CSNK2A2IP: variants seen among roughly 807,000 people sequenced by gnomAD.
CSNK2A2IP encodes casein kinase 2 subunit alpha' interacting protein, also known as casein kinase II subunit alpha'-interacting protein.
the CSNK2A2IP span, among the ~76,000 whole-genome samples, chr3:88,356,429 T>A: frequency 6.6e-6 from 1 of 152,152 alleles, no homozygotes; most frequent in African/African-American, 2.4e-5. Flanking sequence ...ATGACAGTAT[T>A]TCATTCTTTT....
chr3:88,451,611 G>A, the CSNK2A2IP span, among the ~76,000 whole-genome samples: 2 of 151,204 alleles, frequency 1.3e-5, no homozygotes, highest in East Asian at 1.9e-4. Flanking sequence ...TTTCACCTTT[G>A]TTTCTTTTGT....
chr3:88,363,936 G>A, the CSNK2A2IP span, among the ~76,000 whole-genome samples: 1 of 152,244 alleles, frequency 6.6e-6, no homozygotes, highest in East Asian at 1.9e-4. Context: ...GCTTTGGATA[G>A]TTACCTCACA....
the CSNK2A2IP span, among the ~76,000 whole-genome samples, chr3:88,410,976 G>A: frequency 6.6e-6 from 1 of 151,840 alleles, no homozygotes; most frequent in Non-Finnish European, 1.5e-5. Context: ...GAAATATTTG[G>A]TATTTAAAAT....
the CSNK2A2IP span, among the ~76,000 whole-genome samples, chr3:88,431,975 G>GT: frequency 3.0e-4 from 46 of 152,026 alleles, no homozygotes; most frequent in East Asian, 2.3e-3. Context: ...ATATAATGTT[G>GT]TTTTTTCCTG....
At chr3:88,453,738 G>A in the CSNK2A2IP span, among the ~76,000 whole-genome samples, 438 of 152,132 alleles carry the variant, frequency 2.9e-3, 2 homozygotes, top group African/African-American at 9.9e-3. Flanking sequence ...CTATTGATTT[G>A]TAAGCATTTT....
the CSNK2A2IP span, among the ~76,000 whole-genome samples, chr3:88,346,325 C>G: frequency 1.3e-5 from 2 of 151,978 alleles, no homozygotes; most frequent in African/African-American, 4.8e-5. Context: ...ATGAATGTGG[C>G]TACACTAAAC....
the CSNK2A2IP span, among the ~76,000 whole-genome samples, chr3:88,449,616 C>T: frequency 1.3e-5 from 2 of 151,060 alleles, no homozygotes; most frequent in African/African-American, 4.9e-5. Context: ...GATTGTGGTG[C>T]ATGCTATTTC....
chr3:88,427,307 G>A, the CSNK2A2IP span, among the ~76,000 whole-genome samples: 1 of 152,160 alleles, frequency 6.6e-6, no homozygotes, highest in African/African-American at 2.4e-5. Context: ...TTTCTAAGCT[G>A]CAAAGCGTTC....
the CSNK2A2IP span, among the ~76,000 whole-genome samples, chr3:88,342,560 T>A: frequency 6.6e-6 from 1 of 152,000 alleles, no homozygotes. Flanking sequence ...GGTTGATGGA[T>A]CATTTATTGG....
At chr3:88,410,210 G>A in the CSNK2A2IP span, among the ~76,000 whole-genome samples, 2 of 151,988 alleles carry the variant, frequency 1.3e-5, no homozygotes, top group African/African-American at 4.8e-5. Context: ...AAACTACATG[G>A]GGCGATAACT....
At chr3:88,446,148 C>A in the CSNK2A2IP span, among the ~76,000 whole-genome samples, 1 of 146,742 alleles carries the variant, frequency 6.8e-6, no homozygotes, top group Admixed American at 7.0e-5. Flanking sequence ...CACTCTATTA[C>A]CCAGGCTGGA....
the CSNK2A2IP span, among the ~76,000 whole-genome samples, chr3:88,381,203 T>C: frequency 6.6e-6 from 1 of 152,312 alleles, no homozygotes; most frequent in South Asian, 2.1e-4. Context: ...CTCTTAAATG[T>C]TCCTAGCCAA....
chr3:88,467,384 G>A, the CSNK2A2IP span: 1 of 398,364 alleles, frequency 2.5e-6, no homozygotes, highest in African/African-American at 2.1e-5. Flanking sequence ...AGCTACCATC[G>A]GTTGCCTGCA....
the CSNK2A2IP span, among the ~76,000 whole-genome samples, chr3:88,354,580 G>A: frequency 1.9e-4 from 29 of 152,202 alleles, no homozygotes; most frequent in African/African-American, 7.0e-4. Context: ...GGTGATGAGT[G>A]AAGCTGGAAA....
the CSNK2A2IP span, among the ~76,000 whole-genome samples, chr3:88,428,364 T>C: frequency 6.6e-6 from 1 of 152,148 alleles, no homozygotes; most frequent in South Asian, 2.1e-4. Flanking sequence ...TTTGGGTTAG[T>C]GCTGGAATGA....
At chr3:88,351,046 G>A in the CSNK2A2IP span, among the ~76,000 whole-genome samples, 1,060 of 152,174 alleles carry the variant, frequency 7.0e-3, 15 homozygotes, top group African/African-American at 0.024. Flanking sequence ...TCTCATCTGA[G>A]GACTAAGAGC....
the CSNK2A2IP span, among the ~76,000 whole-genome samples, chr3:88,449,097 C>G: frequency 6.6e-6 from 1 of 151,994 alleles, no homozygotes; most frequent in Admixed American, 6.6e-5. Context: ...TGCCTCCCTT[C>G]TTTCCTTATT....
the CSNK2A2IP span, among the ~76,000 whole-genome samples, chr3:88,414,118 C>G: frequency 6.6e-6 from 1 of 150,752 alleles, no homozygotes; most frequent in Non-Finnish European, 1.5e-5. Flanking sequence ...GGGAAACAGA[C>G]TATCTCTTAA....
chr3:88,382,681 G>T, the CSNK2A2IP span: 43 of 152,126 alleles, frequency 2.8e-4, no homozygotes, highest in Non-Finnish European at 5.7e-4. Flanking sequence ...CAGTGTTAAA[G>T]ATTTGAATAA....
Sources: gnomAD v4.1 joint callset for allele counts (sites outside exome capture counted in the v4.1 genomes callset) on GRCh38, gnomAD v4.1.1 for gene constraint, MANE v1.5 for transcripts, NCBI Gene and HGNC (gene_info 2026-07-23, HGNC 2026-07-21) for gene names.